Variants in WDR3 observed in about 807,000 individuals in gnomAD.
WDR3 encodes the protein WD repeat-containing protein 3.
Under a neutral mutation model 123.7 loss-of-function variants are expected in WDR3, and 81 were observed. The ratio of observed to expected loss-of-function variants is 0.65; its 90% CI spans 0.55 to 0.79. The LOEUF (loss-of-function observed/expected upper bound fraction) is 0.79. Ranked by LOEUF, WDR3 falls within the 30% of genes least tolerant of loss-of-function variation. The pLI is 0.00. For synonymous variants in WDR3, 390 were observed against 388.8 expected, an observed-to-expected ratio of 1.00 and a Z score of -0.04; for missense variants, 1,027 against 1,123.2, an observed-to-expected ratio of 0.91 and a Z score of 1.22.
At chr1:117,938,428 G>T in intron 4 of WDR3, 52 bp from the exon 5 acceptor site, 1 of 1,482,372 alleles carries the variant, frequency 6.7e-7, no homozygotes, top group South Asian at 1.2e-5. Context: ...CCTATTCGTT[G>T]AATGAGTTTT....
intron 11 of WDR3, among the ~76,000 whole-genome samples, chr1:117,944,272 GAC>G (rs1217264307): frequency 1.3e-5 from 2 of 152,122 alleles, no homozygotes; most frequent in African/African-American, 4.8e-5. Context: ...TTCTGTCTTT[GAC>G]ACACTCTTTG....
At chr1:117,937,001 T>G (rs1228615430) in intron 4 of WDR3, 114 bp downstream of exon 4, 1 of 726,564 alleles carries the variant, frequency 1.4e-6, no homozygotes, top group Non-Finnish European at 2.3e-6. Context: ...TAGTTTTCTC[T>G]CCTGTTCTCC....
intron 16 of WDR3, among the ~76,000 whole-genome samples, chr1:117,951,214 A>G (rs1651595846): frequency 6.6e-6 from 1 of 152,068 alleles, no homozygotes; most frequent in Non-Finnish European, 1.5e-5. Context: ...GACTTTAAAA[A>G]GGCATTCCTT....
intron 12 of WDR3, 64 bp downstream of exon 12, chr1:117,946,243 A>C (rs1651375705): frequency 1.5e-6 from 2 of 1,336,844 alleles, no homozygotes; most frequent in South Asian, 2.8e-5. Flanking sequence ...AAGTTAAGAA[A>C]TCTGGTTCTT....
intron 4 of WDR3, 98 bp downstream of exon 4, chr1:117,936,985 A>C (rs1281291246): frequency 4.2e-6 from 4 of 955,042 alleles, no homozygotes; most frequent in Non-Finnish European, 6.4e-6. Flanking sequence ...GCTCATGCTT[A>C]TGCATTAGTT....
chr1:117,960,865 A>G lies in WDR3; in HGVS notation c.*1418A>G, dbSNP rs1188362040. On this transcript the variant is annotated 3_prime_UTR_variant, in exon 27 of 27. Coordinates refer to ENST00000349139, the MANE Select transcript of WDR3 (RefSeq NM_006784.3). ...TGCGTGTATTTTATGGCAGTAAATG[A>G]TAAAATAGTCTAGTATCTACATATA... 1 of 152,262 alleles carries G rather than the reference A, an allele frequency of 6.6e-6. No individual in the cohort carries two copies. The highest frequency in any genetic ancestry group is 2.4e-5 in the African/African-American group (1 of 41,472). The allele number at this position is 152,262 out of a possible 1,614,324, so 9.4% of individuals were successfully genotyped here.
At position 117,957,079 on chromosome 1, in the gene WDR3, A is replaced by G; in HGVS notation, c.2465A>G (p.Glu822Gly). The G allele has an allele frequency of 6.3e-7, 1 of 1,583,292 alleles. No homozygotes were observed. Among genetic ancestry groups the G allele is most frequent in the South Asian group, 1.2e-5 (1 of 84,934 alleles). The change falls in exon 25 of 27, where the codon GAA (glutamate) becomes GGA (glycine). Residue 822 changes from glutamate (E) to glycine (G), a missense_variant. Transcript: ENST00000349139. ...FKGIKSSELEESLLVLPFSYV... is the reference protein window; with the variant it reads ...FKGIKSSELEGSLLVLPFSYV... ...TTTTTCTTTTTCAGTGAGCTGGAAG[A>G]ATCTCTACTTGTGCTGCCTTTCTCT...
chr1:117,958,127 C>T (rs1256559607), intron 25 of WDR3, among the ~76,000 whole-genome samples: 4 of 152,144 alleles, frequency 2.6e-5, no homozygotes, highest in Non-Finnish European at 4.4e-5. Context: ...AAGACAAAAA[C>T]TGGTCAGCCA....
rs373131863 is a variant in WDR3 at position 117,964,236 on chromosome 1, CTTTTT to C, written c.*4802_*4806del. The C allele has an allele frequency of 3.0e-4, 39 of 131,758 alleles. No homozygotes were observed. Among genetic ancestry groups the C allele is most frequent in the East Asian group, 9.9e-4 (5 of 5,048 alleles). 8.2% of individuals were successfully genotyped at this position (131,758 alleles called of 1,614,324 possible). On this transcript the variant is annotated 3_prime_UTR_variant, in exon 27 of 27. Transcript: ENST00000349139. ...AACCATATCTACATCAGATTTCATG[CTTTTT>C]TTTTTTTTTTTTGGTGGGGAGAGGG...
intron 5 of WDR3, 150 bp from the exon 6 acceptor site, chr1:117,939,327 G>A (rs965836628): frequency 2.9e-6 from 2 of 698,630 alleles, no homozygotes; most frequent in Non-Finnish European, 4.7e-6. Context: ...ACTTCTCTTA[G>A]TGCATTTTGA....
Position 117,959,104 on chromosome 1 carries a change from C to T in WDR3, c.2676+101C>T, listed in dbSNP as rs12066505. The stretch of plus-strand genomic sequence containing the variant: ...CTTTGTCTTTAGCAATACCCACCAC[C>T]GATAAATCCATATTTGAGATAGTTT... On this transcript the variant is annotated intron_variant, in intron 26 of 26. Coordinates refer to ENST00000349139, the MANE Select transcript of WDR3 (RefSeq NM_006784.3). 1.5e-4 allele frequency: 189 copies of T among 1,298,374 alleles called. No homozygotes were observed. The African/African-American group carries it at 1.7e-3, about 12-fold the overall frequency. 80.4% of individuals were successfully genotyped at this position (1,298,374 alleles called of 1,614,324 possible).
Position 117,965,290 on chromosome 1 carries a change from C to A in WDR3, c.*5843C>A, listed in dbSNP as rs575564741. 1 of 152,296 alleles carries A rather than the reference C, an allele frequency of 6.6e-6. No individual in the cohort carries two copies. Among genetic ancestry groups the A allele is most frequent in the South Asian group, 2.1e-4 (1 of 4,828 alleles). The allele number at this position is 152,296 out of a possible 1,614,324, so 9.4% of individuals were successfully genotyped here. ...GGCTTTTGAAGTATTTCACCATTTTCTAATTGCTGCTTTTGTCTCCACTGG... is the reference window on the plus strand; with the variant it reads ...GGCTTTTGAAGTATTTCACCATTTTATAATTGCTGCTTTTGTCTCCACTGG... On this transcript the variant is annotated 3_prime_UTR_variant, in exon 27 of 27. Transcript: ENST00000349139.
rs536587067 is a variant in WDR3, at chr1:117,963,799, C to T, written c.*4352C>T. On this transcript the variant is annotated 3_prime_UTR_variant, in exon 27 of 27. Coordinates refer to ENST00000349139, the MANE Select transcript of WDR3 (RefSeq NM_006784.3). ...AATTCCCATTTATTACTTACTGTACCTAATGTGGAGAAACTTTACGAGACA... is the reference window on the plus strand; with the variant it reads ...AATTCCCATTTATTACTTACTGTACTTAATGTGGAGAAACTTTACGAGACA... The T allele has an allele frequency of 2.5e-6, 4 of 1,610,700 alleles. No homozygotes were observed. The East Asian group carries it at 8.9e-5, about 36-fold the overall frequency.
chr1:117,959,137 A>C (rs1490716262), intron 26 of WDR3, 134 bp downstream of exon 26: 1 of 1,299,938 alleles, frequency 7.7e-7, no homozygotes, highest in Non-Finnish European at 1.1e-6. Context: ...TTTTTGTTAG[A>C]ATTAGTAGGA....
intron 3 of WDR3, 62 bp downstream of exon 3, chr1:117,934,744 C>T: frequency 1.3e-6 from 2 of 1,569,408 alleles, no homozygotes; most frequent in Non-Finnish European, 1.7e-6. Context: ...TATGCTGAAG[C>T]AAGTTGTTGA....
intron 11 of WDR3, among the ~76,000 whole-genome samples, chr1:117,944,922 A>G (rs1651314796): frequency 6.6e-6 from 1 of 151,948 alleles, no homozygotes; most frequent in Non-Finnish European, 1.5e-5. Flanking sequence ...CAAACTCCTG[A>G]CCTCAAGTGA....
intron 21 of WDR3, 130 bp from the exon 22 acceptor site, chr1:117,953,877 A>G (rs1651775275): frequency 6.6e-6 from 5 of 762,414 alleles, no homozygotes; most frequent in Non-Finnish European, 1.1e-5. Flanking sequence ...TTGGCACTCT[A>G]TTCGCACGTC....
chr1:117,936,811 CTG>C lies in WDR3; in HGVS notation c.426_427del (p.Tyr143ProfsTer24). 6.2e-7 allele frequency: 1 copy of C among 1,613,266 alleles called. No homozygotes were observed. The highest frequency in any genetic ancestry group is 8.5e-7 in the Non-Finnish European group (1 of 1,179,430). On this transcript the variant is annotated frameshift_variant, in exon 4 of 27. Transcript: ENST00000349139. LOFTEE classifies it high-confidence loss of function. Reference sequence around the variant, plus strand: ...ATGGGATGTGATCAATGAAAGTGGTCTGTACCGTCTAAAGGGGCACAAGGATG... The same window carrying C: ...ATGGGATGTGATCAATGAAAGTGGTCTACCGTCTAAAGGGGCACAAGGATG... ...IVWDVINESG[L>X]YRLKGHKDAI...
Position 117,943,553 on chromosome 1 carries a change from C to A in WDR3, c.1255C>A (p.Arg419=). The A allele has an allele frequency of 6.2e-7, 1 of 1,614,098 alleles. No individual in the cohort carries two copies. Residue 419 remains arginine, a synonymous_variant, in exon 11 of 27, where the codon CGG becomes AGG. Transcript: ENST00000349139. ...ITIGGHRSDV[R]TLSFSSDNIA... ...TATTGGGGGTCATCGCAGTGATGTGCGGACTTTGTCATTCAGCTCAGACAA... is the reference window on the plus strand; with the variant it reads ...TATTGGGGGTCATCGCAGTGATGTGAGGACTTTGTCATTCAGCTCAGACAA...
Sources: allele counts gnomAD v4.1 joint callset (sites outside exome capture counted in the v4.1 genomes callset), GRCh38; gene constraint gnomAD v4.1.1; transcripts MANE v1.5; gene names NCBI Gene and HGNC (gene_info 2026-07-23, HGNC 2026-07-21).